The following FSTL4 variants were observed in gnomAD, a reference collection of about 807,000 sequenced individuals.
FSTL4 encodes follistatin like 4, also known as follistatin-related protein 4.
In FSTL4, 28 loss-of-function variants were observed where a neutral mutation model predicts 78.2. The ratio of observed to expected loss-of-function variants is 0.36; its 90% CI spans 0.27 to 0.49. The LOEUF (loss-of-function observed/expected upper bound fraction) is 0.49, where lower values mean the gene tolerates loss of function less well. Among genes scored for constraint, FSTL4 ranks in the 20% least tolerant of loss-of-function variants. The probability of loss-of-function intolerance (pLI) is 0.98; values close to 1 mark genes in which losing one functional copy is unlikely to be tolerated. For synonymous variants in FSTL4, 422 were observed against 440.5 expected (o/e 0.96, Z 0.53); for missense variants, 922 against 1,084.9 (o/e 0.85, Z 2.11).
intron 3 of FSTL4, among the ~76,000 whole-genome samples, chr5:133,416,732 T>G (rs1170687946): frequency 2.0e-5 from 3 of 152,148 alleles, no homozygotes; most frequent in African/African-American, 7.2e-5. Context: ...TGAAGAAACA[T>G]CAGACAAACT....
intron 2 of FSTL4, among the ~76,000 whole-genome samples, chr5:133,598,966 C>A (rs1760798852): frequency 6.6e-6 from 1 of 152,130 alleles, no homozygotes; most frequent in Admixed American, 6.5e-5. Context: ...GCCCACAAAC[C>A]AGCTGAGGGC....
intron 2 of FSTL4, among the ~76,000 whole-genome samples, chr5:133,600,820 G>T (rs533202311): frequency 2.2e-4 from 34 of 152,278 alleles, no homozygotes; most frequent in Non-Finnish European, 4.0e-4. Flanking sequence ...TTTGTGTGAA[G>T]TACTACTACT....
intron 3 of FSTL4, among the ~76,000 whole-genome samples, chr5:133,480,011 G>C (rs1229890414): frequency 6.6e-6 from 1 of 152,088 alleles, no homozygotes; most frequent in Non-Finnish European, 1.5e-5. Flanking sequence ...AGAAAAGACG[G>C]GGACACTCTA....
At chr5:133,839,938 A>G in the FSTL4 span, among the ~76,000 whole-genome samples, 1 of 152,230 alleles carries the variant, frequency 6.6e-6, no homozygotes, top group Non-Finnish European at 1.5e-5. Flanking sequence ...TGCCAGCTAC[A>G]GTGAGCTGCC....
chr5:133,342,123 G>A (rs1754595846), intron 4 of FSTL4, among the ~76,000 whole-genome samples: 1 of 152,186 alleles, frequency 6.6e-6, no homozygotes, highest in Non-Finnish European at 1.5e-5. Flanking sequence ...GAGCTGGAAG[G>A]AGAGCCTTCC....
chr5:133,712,491 C>T, the FSTL4 span, among the ~76,000 whole-genome samples: 2 of 152,284 alleles, frequency 1.3e-5, no homozygotes, highest in East Asian at 1.9e-4. Flanking sequence ...TTTCCAGCCA[C>T]GTGACTTGGC....
chr5:133,569,597 T>C (rs886399799), intron 2 of FSTL4, among the ~76,000 whole-genome samples: 2 of 152,240 alleles, frequency 1.3e-5, no homozygotes, highest in Admixed American at 1.3e-4. Flanking sequence ...AGATGCTCAA[T>C]ACATATTTGT....
At chr5:133,538,456 T>C (rs1325176058) in intron 3 of FSTL4, among the ~76,000 whole-genome samples, 1 of 152,336 alleles carries the variant, frequency 6.6e-6, no homozygotes, top group Non-Finnish European at 1.5e-5. Context: ...TATATCCACC[T>C]TTTGTAATTA....
chr5:133,658,724 A>G, the FSTL4 span, among the ~76,000 whole-genome samples: 1 of 152,066 alleles, frequency 6.6e-6, no homozygotes, highest in East Asian at 1.9e-4. Context: ...TAACTGTCTT[A>G]CTTGCATTCT....
intron 6 of FSTL4, among the ~76,000 whole-genome samples, chr5:133,270,455 C>T (rs1752743031): frequency 6.6e-6 from 1 of 152,184 alleles, no homozygotes; most frequent in Non-Finnish European, 1.5e-5. Flanking sequence ...GACTGTGCCA[C>T]AGAATGTATT....
At chr5:133,779,804 C>G in the FSTL4 span, among the ~76,000 whole-genome samples, 1 of 152,176 alleles carries the variant, frequency 6.6e-6, no homozygotes, top group Non-Finnish European at 1.5e-5. Flanking sequence ...TGTGACAGAC[C>G]ATGCCCATTC....
At chr5:133,656,321 G>A in the FSTL4 span, among the ~76,000 whole-genome samples, 14 of 152,278 alleles carry the variant, frequency 9.2e-5, no homozygotes, top group East Asian at 2.7e-3. Flanking sequence ...CACCCAAAGG[G>A]TTGAGGGAGC....
chr5:133,647,991 G>A, the FSTL4 span, among the ~76,000 whole-genome samples: 1 of 152,120 alleles, frequency 6.6e-6, no homozygotes, highest in Non-Finnish European at 1.5e-5. Context: ...GTTCTATAAA[G>A]AGGAGTTTCC....
the FSTL4 span, among the ~76,000 whole-genome samples, chr5:133,767,281 A>AG: frequency 6.6e-6 from 1 of 152,080 alleles, no homozygotes; most frequent in Admixed American, 6.5e-5. Context: ...CTCAGGGGTG[A>AG]GGGGGGCATC....
At chr5:133,514,025 A>C (rs1294853169) in intron 3 of FSTL4, among the ~76,000 whole-genome samples, 1 of 151,922 alleles carries the variant, frequency 6.6e-6, no homozygotes, top group Non-Finnish European at 1.5e-5. Flanking sequence ...AAAAATACAA[A>C]AAAATTAGCC....
intron 4 of FSTL4, among the ~76,000 whole-genome samples, chr5:133,360,119 G>A (rs1236862869): frequency 6.6e-6 from 1 of 152,224 alleles, no homozygotes; most frequent in African/African-American, 2.4e-5. Flanking sequence ...GGGCCTTCAT[G>A]GGAACACACC....
intron 8 of FSTL4, among the ~76,000 whole-genome samples, chr5:133,230,382 G>T (rs1380561253): frequency 1.3e-5 from 2 of 152,186 alleles, no homozygotes; most frequent in Non-Finnish European, 2.9e-5. Context: ...CCAATTCAGG[G>T]CTAATTTTGA....
intron 4 of FSTL4, among the ~76,000 whole-genome samples, chr5:133,318,677 G>C (rs1753969059): frequency 6.6e-6 from 1 of 152,224 alleles, no homozygotes; most frequent in Admixed American, 6.5e-5. Context: ...TCAGGAAGAG[G>C]CTGTACTCAG....
the FSTL4 span, among the ~76,000 whole-genome samples, chr5:133,766,317 G>C: frequency 6.6e-6 from 1 of 151,964 alleles, no homozygotes; most frequent in African/African-American, 2.4e-5. Context: ...AGAGGGAAGG[G>C]AAGGAGGAAA....
Sources: allele counts gnomAD v4.1 joint callset (sites outside exome capture counted in the v4.1 genomes callset), GRCh38; gene constraint gnomAD v4.1.1; transcripts MANE v1.5; gene names NCBI Gene and HGNC (gene_info 2026-07-23, HGNC 2026-07-21).